Variants in ARHGAP29 observed in about 807,000 individuals in gnomAD.
ARHGAP29 encodes the protein rho GTPase-activating protein 29.
A neutral mutation model predicts 122.6 loss-of-function variants in ARHGAP29; 43 were observed. The ratio of observed to expected loss-of-function variants is 0.35; its 90% CI spans 0.27 to 0.45. The LOEUF (loss-of-function observed/expected upper bound fraction) is 0.45. Among genes scored for constraint, ARHGAP29 ranks in the 20% least tolerant of loss-of-function variants. The pLI is 1.00. For missense variants in ARHGAP29, 1,303 were observed against 1,477.2 expected (o/e 0.88, Z 1.93); for synonymous variants, 506 against 497.1 (o/e 1.02, Z -0.24).
intron 1 of ARHGAP29, among the ~76,000 whole-genome samples, chr1:94,266,828 C>T (rs1654792719): frequency 6.6e-6 from 1 of 152,188 alleles, no homozygotes; most frequent in South Asian, 2.1e-4. Flanking sequence ...CACAAATCAA[C>T]TATTTGCGAA....
At chr1:94,206,170 T>C (rs1651173866) in intron 5 of ARHGAP29, among the ~76,000 whole-genome samples, 1 of 152,188 alleles carries the variant, frequency 6.6e-6, no homozygotes, top group South Asian at 2.1e-4. Context: ...TCCAATAAAG[T>C]AGCTAATAGC....
intron 7 of ARHGAP29, among the ~76,000 whole-genome samples, chr1:94,204,843 T>A (rs909604599): frequency 6.6e-6 from 1 of 152,222 alleles, no homozygotes; most frequent in Non-Finnish European, 1.5e-5. Context: ...AGAGACAGTA[T>A]TCTATTTGTC....
rs906122173 is a variant in ARHGAP29, at chr1:94,175,892, A to C, written c.2906-1143T>G. Among the ~76,000 whole-genome samples the C allele has an allele frequency of 9.9e-5, 15 of 151,980 alleles. No homozygotes were observed. In the East Asian group the frequency reaches 2.9e-3, roughly 29 times the overall value. On this transcript the variant is annotated intron_variant, in intron 22 of 22. Transcript: ENST00000260526. ...GATAATTTTTGTATTTTTAATAGAG[A>C]CAGGGTTTCACCATGTTGGCCAGGC...
chr1:94,237,417 C>A lies in ARHGAP29; in HGVS notation c.-35G>T, dbSNP rs991156467. On this transcript the variant is annotated splice_region_variant and 5_prime_UTR_variant, in exon 1 of 23. Coordinates refer to ENST00000260526, the MANE Select transcript of ARHGAP29 (RefSeq NM_004815.4). ...AAGCGCCACCTCCTCACACTCACCA[C>A]GGCGCTCCATCTCGCGTGCCGGACG... is the stretch of plus-strand genomic sequence containing the variant. 5.6e-5 allele frequency: 55 copies of A among 986,588 alleles called. No individual in the cohort carries two copies. Among genetic ancestry groups the A allele is most frequent in the Non-Finnish European group, 6.5e-5 (54 of 830,720 alleles). The allele number at this position is 986,588 out of a possible 1,614,324, so 61.1% of individuals were successfully genotyped here. A position where few individuals can be genotyped will look rare whatever the true frequency, so the allele number is the denominator to read the frequency against.
chr1:94,192,214 A>C (rs1474037347), intron 12 of ARHGAP29: 1 of 152,140 alleles, frequency 6.6e-6, no homozygotes, highest in Non-Finnish European at 1.5e-5. Context: ...TCTCCCACTG[A>C]ATTCACCTAA....
rs1474893396 is a variant in ARHGAP29, at chr1:94,258,784, C to T, written c.-33+16228G>A. Among the ~76,000 whole-genome samples the T allele has an allele frequency of 4.6e-5, 7 of 152,170 alleles. No homozygotes were observed. The South Asian group carries it at 6.2e-4, about 14-fold the overall frequency. On this transcript the variant is annotated intron_variant and NMD_transcript_variant, in intron 1 of 25. Coordinates refer to the ARHGAP29 transcript ENST00000552844. ...GATATTATGATCTCCATTGCTCTAA[C>T]GAGGAAATTGAGACTTAAAGAGACT...
chr1:94,250,916 A>G (rs1404679437), intron 1 of ARHGAP29, among the ~76,000 whole-genome samples: 1 of 152,184 alleles, frequency 6.6e-6, no homozygotes, highest in African/African-American at 2.4e-5. Context: ...TCTTAGTAAT[A>G]TGTATAAGGT....
intron 2 of ARHGAP29, among the ~76,000 whole-genome samples, chr1:94,226,839 A>G (rs553758591): frequency 3.5e-4 from 54 of 152,118 alleles, no homozygotes; most frequent in Middle Eastern, 3.4e-3. Context: ...AATAACTTCT[A>G]AAAAGATTTA....
rs1653863059 is a variant in ARHGAP29 at position 94,247,564 on chromosome 1, C to A, written c.-32-15921G>T. 4.0e-5 allele frequency among the ~76,000 whole-genome samples: 6 copies of A among 151,602 alleles called. No homozygotes were observed. In the South Asian group the frequency reaches 1.2e-3, roughly 31 times the overall value. On this transcript the variant is annotated intron_variant and NMD_transcript_variant, in intron 1 of 25. Coordinates refer to the ARHGAP29 transcript ENST00000552844. ...AGCGAGCGCCACCTCCTCACACTCA[C>A]CACGGCGCTCCATCCCGCGTCCCGG...
the ARHGAP29 span, among the ~76,000 whole-genome samples, chr1:94,283,572 A>G: frequency 6.6e-6 from 1 of 152,242 alleles, no homozygotes; most frequent in Non-Finnish European, 1.5e-5. Context: ...TCAACTCTGC[A>G]TATAGAATTT....
intron 19 of ARHGAP29, among the ~76,000 whole-genome samples, chr1:94,182,499 A>G (rs1426684223): frequency 1.3e-5 from 2 of 152,242 alleles, no homozygotes; most frequent in Admixed American, 6.5e-5. Flanking sequence ...ATCAAAACAC[A>G]TACTTATAAA....
chr1:94,278,126 G>A (rs1655247852), upstream of ARHGAP29, among the ~76,000 whole-genome samples: 1 of 152,008 alleles, frequency 6.6e-6, no homozygotes, highest in Admixed American at 6.6e-5. Flanking sequence ...GACCAGCCTG[G>A]GCAACAGAGC....
At chr1:94,252,830 A>G (rs143130768) in intron 1 of ARHGAP29, among the ~76,000 whole-genome samples, 28 of 152,332 alleles carry the variant, frequency 1.8e-4, no homozygotes, top group African/African-American at 5.5e-4. Context: ...CTAGATAAGA[A>G]AGCAAATACT....
At chr1:94,280,492 A>T in the ARHGAP29 span, among the ~76,000 whole-genome samples, 5 of 152,206 alleles carry the variant, frequency 3.3e-5, no homozygotes, top group African/African-American at 1.2e-4. Context: ...AAAATGTACA[A>T]GTACTAAGAG....
chr1:94,267,185 G>A (rs1654805084), intron 1 of ARHGAP29, among the ~76,000 whole-genome samples: 1 of 152,204 alleles, frequency 6.6e-6, no homozygotes, highest in Non-Finnish European at 1.5e-5. Flanking sequence ...ACTATGGACT[G>A]TTAAAGTAGA....
At position 94,215,721 on chromosome 1, in the gene ARHGAP29, C is replaced by T. The variant is rs1311054341; in HGVS notation, c.340+4537G>A. ...CAGAGCAGAGAAGCCTTTCCTAATACTCAAAACCCAGAAACCATAAAAGAC... is the reference window on the plus strand; with the variant it reads ...CAGAGCAGAGAAGCCTTTCCTAATATTCAAAACCCAGAAACCATAAAAGAC... On this transcript the variant is annotated intron_variant, in intron 3 of 22. Coordinates refer to ENST00000260526, the MANE Select transcript of ARHGAP29 (RefSeq NM_004815.4). 2.6e-5 allele frequency among the ~76,000 whole-genome samples: 4 copies of T among 151,998 alleles called. No individual in the cohort carries two copies. In the East Asian group the frequency reaches 7.7e-4, roughly 29 times the overall value.
chr1:94,189,982 T>C lies in ARHGAP29; in HGVS notation c.1383A>G (p.Gln461=). The C allele has an allele frequency of 6.2e-7, 1 of 1,613,552 alleles. No homozygotes were observed. The highest frequency in any genetic ancestry group is 8.5e-7 in the Non-Finnish European group (1 of 1,179,628). The part of the protein sequence containing the change: ...CDSAKLYDPG[Q]EYSEFVKATN... The stretch of plus-strand genomic sequence containing the variant: ...TGGCCTTGACAAATTCACTGTACTC[T>C]TGGCCTGGGTCATAGAGTTTGGCAC... The change falls in exon 13 of 23, where the codon CAA becomes CAG. Residue 461 remains glutamine (Q), a synonymous_variant. Transcript: ENST00000260526.
chr1:94,231,755 A>C, intron 1 of ARHGAP29, 112 bp from the exon 2 acceptor site: 6 of 719,502 alleles, frequency 8.3e-6, no homozygotes, highest in Non-Finnish European at 1.4e-5. Context: ...CCCACAGCTC[A>C]CCTTGGTATC....
In ARHGAP29 at chr1:94,259,702, A is replaced by G. The variant is rs763433659; in HGVS notation, c.-33+15310T>C. Among the ~76,000 whole-genome samples, 122 of 152,334 alleles carry G rather than the reference A, an allele frequency of 8.0e-4. 1 individual carries two copies. Among genetic ancestry groups the G allele is most frequent in the Non-Finnish European group, 3.2e-4 (22 of 68,024 alleles). ...CATCTCTAGGGACTACAGAGGCAGC[A>G]TGGGCCTGCCTTGCCTCCAGAACTG... On this transcript the variant is annotated intron_variant and NMD_transcript_variant, in intron 1 of 25. Transcript: ENST00000552844.
Sources: gnomAD v4.1 joint callset for allele counts (sites outside exome capture counted in the v4.1 genomes callset) on GRCh38, gnomAD v4.1.1 for gene constraint, MANE v1.5 for transcripts, NCBI Gene and HGNC (gene_info 2026-07-23, HGNC 2026-07-21) for gene names.